Variants in NEGR1 observed in about 807,000 individuals in gnomAD.
The protein encoded by NEGR1 is IgLON family member 4.
NEGR1 carries 10 observed loss-of-function variants against 40.9 expected under a neutral mutation model. That is an observed-to-expected ratio of 0.24 (90% CI 0.15 to 0.42). The LOEUF is 0.42. NEGR1 is among the 10% of genes least tolerant of loss of function. The pLI is 1.00. For missense variants in NEGR1, 352 were observed against 438.9 expected (o/e 0.80, Z 1.77); for synonymous variants, 185 against 166.8 (o/e 1.11, Z -0.84).
intron 4 of NEGR1, among the ~76,000 whole-genome samples, chr1:71,624,085 G>T (rs1329850899): frequency 1.3e-5 from 2 of 151,842 alleles, no homozygotes; most frequent in East Asian, 3.9e-4. Context: ...TGCCCTTTCA[G>T]TCAAAGTCGC....
chr1:71,983,500 G>C (rs1557468124), intron 1 of NEGR1, among the ~76,000 whole-genome samples: 1 of 152,108 alleles, frequency 6.6e-6, no homozygotes, highest in Non-Finnish European at 1.5e-5. Context: ...TGCATTTGTA[G>C]AGCAAAGCAT....
chr1:71,605,924 T>G (rs553236266), intron 5 of NEGR1, among the ~76,000 whole-genome samples: 1 of 152,272 alleles, frequency 6.6e-6, no homozygotes, highest in African/African-American at 2.4e-5. Flanking sequence ...ATGACTAATA[T>G]TTCCAATATA....
intron 1 of NEGR1, among the ~76,000 whole-genome samples, chr1:72,237,188 C>A (rs777913486): frequency 1.3e-5 from 2 of 151,894 alleles, no homozygotes; most frequent in African/African-American, 2.4e-5. Context: ...ACAAATCATA[C>A]AAAGCAAGTG....
intron 1 of NEGR1, among the ~76,000 whole-genome samples, chr1:71,974,578 G>A (rs961379594): frequency 2.6e-5 from 4 of 152,116 alleles, no homozygotes; most frequent in Admixed American, 2.6e-4. Context: ...ATTAATAAAA[G>A]TAATAGTGGT....
chr1:71,868,957 T>C (rs1660199255), intron 2 of NEGR1, among the ~76,000 whole-genome samples: 1 of 152,108 alleles, frequency 6.6e-6, no homozygotes, highest in Admixed American at 6.6e-5. Flanking sequence ...CTTCATGATT[T>C]ACAATGACCT....
At chr1:71,751,912 G>A (rs1165913270) in intron 3 of NEGR1, among the ~76,000 whole-genome samples, 1 of 152,152 alleles carries the variant, frequency 6.6e-6, no homozygotes, top group African/African-American at 2.4e-5. Context: ...ATCGTCATAT[G>A]AGAATATGAA....
At chr1:72,001,421 C>T (rs1646556512) in intron 1 of NEGR1, among the ~76,000 whole-genome samples, 1 of 151,632 alleles carries the variant, frequency 6.6e-6, no homozygotes. Context: ...TTATTCTAGA[C>T]CCATTGAATC....
chr1:72,055,418 C>T (rs1181830235), intron 1 of NEGR1, among the ~76,000 whole-genome samples: 2 of 151,166 alleles, frequency 1.3e-5, no homozygotes, highest in African/African-American at 2.4e-5. Context: ...ATTTACAATG[C>T]TGCTTAACTT....
intron 6 of NEGR1, among the ~76,000 whole-genome samples, chr1:71,533,952 C>T (rs536712743): frequency 6.6e-6 from 1 of 151,616 alleles, no homozygotes; most frequent in Non-Finnish European, 1.5e-5. Flanking sequence ...TAATCTACTC[C>T]TTTTTAACTT....
intron 6 of NEGR1, among the ~76,000 whole-genome samples, chr1:71,521,240 T>C (rs955146345): frequency 2.0e-5 from 3 of 152,028 alleles, no homozygotes; most frequent in Middle Eastern, 3.2e-3. Flanking sequence ...TAACTAAGCT[T>C]ATAAGGATAC....
chr1:71,576,255 GT>G (rs374551957), intron 6 of NEGR1, among the ~76,000 whole-genome samples: 2 of 151,896 alleles, frequency 1.3e-5, no homozygotes, highest in African/African-American at 2.4e-5. Context: ...GCTGTTTTGG[GT>G]TTTTTTTGTT....
chr1:71,723,323 A>T lies in NEGR1; in HGVS notation c.536-25184T>A, dbSNP rs181144923. On this transcript the variant is annotated intron_variant, in intron 3 of 6. Coordinates refer to ENST00000357731, the MANE Select transcript of NEGR1 (RefSeq NM_173808.3). ...GATAATAAGAGTGTCATTTGTCATA[A>T]TGAGACAACTTTTGGCTGGCCCCTG... is the stretch of plus-strand genomic sequence containing the variant. Among the ~76,000 whole-genome samples the T allele has an allele frequency of 2.5e-3, 378 of 152,182 alleles. 2 individuals are homozygous for T. The highest frequency in any genetic ancestry group is 8.8e-3 in the African/African-American group (367 of 41,534).
At chr1:71,630,387 G>A (rs1289487069) in intron 4 of NEGR1, among the ~76,000 whole-genome samples, 1 of 151,856 alleles carries the variant, frequency 6.6e-6, no homozygotes, top group Non-Finnish European at 1.5e-5. Flanking sequence ...GTTAAATGGG[G>A]TTCAGTGTCT....
intron 1 of NEGR1, among the ~76,000 whole-genome samples, chr1:72,050,338 A>G (rs1483640928): frequency 3.3e-5 from 5 of 151,548 alleles, no homozygotes; most frequent in African/African-American, 1.2e-4. Context: ...ATGTATTTTT[A>G]AATCACAAAT....
intron 1 of NEGR1, among the ~76,000 whole-genome samples, chr1:72,193,670 A>G (rs1007837355): frequency 6.6e-6 from 1 of 151,314 alleles, no homozygotes; most frequent in Non-Finnish European, 1.5e-5. Flanking sequence ...TTTTCATATT[A>G]TATATTCATT....
chr1:71,789,811 C>A (rs2101733735), intron 2 of NEGR1, among the ~76,000 whole-genome samples: 1 of 152,130 alleles, frequency 6.6e-6, no homozygotes, highest in South Asian at 2.1e-4. Flanking sequence ...ATAAATCCAC[C>A]AAAAATAAGC....
chr1:71,663,303 A>G (rs1036258793), intron 4 of NEGR1, among the ~76,000 whole-genome samples: 1 of 152,004 alleles, frequency 6.6e-6, no homozygotes, highest in Non-Finnish European at 1.5e-5. Context: ...TTGAAATAGC[A>G]TATTATTGCA....
At chr1:71,962,389 T>G (rs1646172729) in intron 1 of NEGR1, among the ~76,000 whole-genome samples, 1 of 152,094 alleles carries the variant, frequency 6.6e-6, no homozygotes, top group South Asian at 2.1e-4. Flanking sequence ...AAAAATAATT[T>G]ATTCTCTTAT....
intron 2 of NEGR1, chr1:71,794,625 A>G (rs982400267): frequency 2.0e-5 from 3 of 152,132 alleles, no homozygotes; most frequent in Non-Finnish European, 4.4e-5. Flanking sequence ...TCCAAATATT[A>G]AAATCAAAAT....
Sources: allele counts gnomAD v4.1 joint callset (sites outside exome capture counted in the v4.1 genomes callset), GRCh38; gene constraint gnomAD v4.1.1; transcripts MANE v1.5; gene names NCBI Gene and HGNC (gene_info 2026-07-23, HGNC 2026-07-21).